BAP1: variants seen among roughly 807,000 people sequenced by gnomAD.
BAP1 encodes the protein ubiquitin carboxyl-terminal hydrolase BAP1.
A neutral mutation model predicts 77.2 loss-of-function variants in BAP1; 16 were observed. The observed-to-expected ratio is 0.21, with a 90% CI of 0.14 to 0.31. The LOEUF is 0.31. Among genes scored for constraint, BAP1 ranks in the 10% least tolerant of loss-of-function variants. The probability of loss-of-function intolerance (pLI) is 1.00; values close to 1 mark genes in which losing one functional copy is unlikely to be tolerated. For synonymous variants in BAP1, 362 were observed against 385.2 expected (o/e 0.94, Z 0.71); for missense variants, 699 against 967.3 (o/e 0.72, Z 3.68).
Position 52,403,056 on chromosome 3 carries a change from C to T in BAP1, c.1890+82G>A. ...CCAATCTTCACACCAAAGTTCCAAT[C>T]AAGAACTTGGCACCTGGGCAGGAGG... is the stretch of plus-strand genomic sequence containing the variant. On this transcript the variant is annotated intron_variant, in intron 14 of 16. Coordinates refer to ENST00000460680, the MANE Select transcript of BAP1 (RefSeq NM_004656.4). The surrounding 1 kb of genome is among the most constrained non-coding windows in gnomAD (Gnocchi z 4.0). 6.2e-7 allele frequency: 1 copy of T among 1,601,092 alleles called. No homozygotes were observed. The highest frequency in any genetic ancestry group is 2.2e-5 in the East Asian group (1 of 44,858).
In BAP1 at chr3:52,406,029, G is replaced by A. The variant is rs1290692312; in HGVS notation, c.784-117C>T. 7 of 1,536,276 alleles carry A rather than the reference G, an allele frequency of 4.6e-6. No homozygotes were observed. The highest frequency in any genetic ancestry group is 5.3e-6 in the Non-Finnish European group (6 of 1,130,736). Reference sequence around the variant, plus strand: ...CCTTGGCTCTACCCATTCACTCACAGGGAAATAAAACACCCAAACCCAAAC... The same window carrying A: ...CCTTGGCTCTACCCATTCACTCACAAGGAAATAAAACACCCAAACCCAAAC... On this transcript the variant is annotated intron_variant, in intron 9 of 16. Coordinates refer to ENST00000460680, the MANE Select transcript of BAP1 (RefSeq NM_004656.4). The surrounding 1 kb of genome is among the most constrained non-coding windows in gnomAD (Gnocchi z 4.6).
At chr3:52,408,733 CCCCTGGCTTCTT>C (rs1215620977) in intron 3 of BAP1, 127 bp from the exon 4 acceptor site, 7 of 1,228,612 alleles carry the variant, frequency 5.7e-6, no homozygotes, top group Non-Finnish European at 7.9e-6. Context: ...TCCCCCCTCT[CCCCTGGCTTCTT>C]CCCAACACTG....
At position 52,405,764 on chromosome 3, in the gene BAP1, C is replaced by G. The variant is rs2153227208; in HGVS notation, c.931+1G>C. On this transcript the variant is annotated splice_donor_variant, in intron 10 of 16. Transcript: ENST00000460680. LOFTEE classifies it high-confidence loss of function. ...ACAAGAGGTCCCAAACCCCCCAGTA[C>G]CTGTGTGGTTGCCCTCAGAGGCTGC... is the stretch of plus-strand genomic sequence containing the variant. 1.2e-6 allele frequency: 2 copies of G among 1,613,038 alleles called. No individual in the cohort carries two copies. The highest frequency in any genetic ancestry group is 1.7e-6 in the Non-Finnish European group (2 of 1,180,018).
Position 52,406,601 on chromosome 3 carries a change from C to T in BAP1, c.660-225G>A. ...CTGGAAGTGAACCAGCAGACCTGGG[C>T]TGCCTAAGGCTCCACTGAGGCCTGC... On this transcript the variant is annotated intron_variant, in intron 8 of 16. Transcript: ENST00000460680. This position sits in a 1 kb window ranked among gnomAD's most constrained non-coding sequence, Gnocchi z 4.6. 1.1e-6 allele frequency: 1 copy of T among 872,030 alleles called. No homozygotes were observed. The highest frequency in any genetic ancestry group is 1.8e-6 in the Non-Finnish European group (1 of 562,398). The allele number at this position is 872,030 out of a possible 1,614,324, so 54.0% of individuals were successfully genotyped here. A position where few individuals can be genotyped will look rare whatever the true frequency, so the allele number is the denominator to read the frequency against.
chr3:52,404,322 C>T, intron 12 of BAP1, 131 bp downstream of exon 12: 1 of 1,497,402 alleles, frequency 6.7e-7, no homozygotes. Context: ...TCATGCCAGC[C>T]TCCCCCAGGG....
chr3:52,408,173 A>G (rs1705226310), intron 4 of BAP1, 96 bp from the exon 5 acceptor site: 36 of 1,532,928 alleles, frequency 2.3e-5, no homozygotes, highest in Non-Finnish European at 3.2e-5. Context: ...CAGGTCAGTC[A>G]TATCTGGACA....
chr3:52,405,538 CAA>C, intron 10 of BAP1: 1 of 328,726 alleles, frequency 3.0e-6, no homozygotes, highest in Middle Eastern at 9.5e-4. Flanking sequence ...CTAGAGAAAA[CAA>C]GAAAGGGAGT....
rs2153227624 is a variant in BAP1 at position 52,406,831 on chromosome 3, T to C, written c.657A>G (p.Ala219=). 1 of 1,556,160 alleles carries C rather than the reference T, an allele frequency of 6.4e-7. No homozygotes were observed. The highest frequency in any genetic ancestry group is 1.2e-5 in the South Asian group (1 of 84,398). ...CAGGGCAGGCACAGGGCCCTTACCC[T>C]GCAGTGGCGAGGCCGATACGCTCCA... ...VIMERIGLAT[A]GEPYHDIRFN... The change falls in exon 8 of 17, where the codon GCA becomes GCG. Residue 219 remains alanine (A), a splice_region_variant and synonymous_variant. Coordinates refer to ENST00000460680, the MANE Select transcript of BAP1 (RefSeq NM_004656.4). This position sits in a 1 kb window ranked among gnomAD's most constrained non-coding sequence, Gnocchi z 4.6.
rs926178223 is a variant in BAP1, at chr3:52,402,231, G to A, written c.*57C>T. ...GGAAAAGGGGAAGTGGGGCAGGGAAGGACCCTGGTGAGGGCCACACGGCAA... is the reference window on the plus strand; with the variant it reads ...GGAAAAGGGGAAGTGGGGCAGGGAAAGACCCTGGTGAGGGCCACACGGCAA... On this transcript the variant is annotated 3_prime_UTR_variant, in exon 17 of 17. Coordinates refer to ENST00000460680, the MANE Select transcript of BAP1 (RefSeq NM_004656.4). This position sits in a 1 kb window ranked among gnomAD's most constrained non-coding sequence, Gnocchi z 5.3. 29 of 1,579,372 alleles carry A rather than the reference G, an allele frequency of 1.8e-5. No individual in the cohort carries two copies. The highest frequency in any genetic ancestry group is 2.2e-5 in the Non-Finnish European group (26 of 1,165,292).
At chr3:52,404,018 C>A in intron 12 of BAP1, 124 bp from the exon 13 acceptor site, 1 of 1,002,764 alleles carries the variant, frequency 1.0e-6, no homozygotes, top group South Asian at 1.4e-5. Context: ...TATACTTGGT[C>A]CAAGCAACTT....
Position 52,402,101 on chromosome 3 carries a change from G to T in BAP1, c.*187C>A. 1 of 1,019,440 alleles carries T rather than the reference G, an allele frequency of 9.8e-7. No individual in the cohort carries two copies. The highest frequency in any genetic ancestry group is 1.4e-6 in the Non-Finnish European group (1 of 706,396). 63.1% of individuals were successfully genotyped at this position (1,019,440 alleles called of 1,614,324 possible). On this transcript the variant is annotated 3_prime_UTR_variant, in exon 17 of 17. Transcript: ENST00000460680. This position sits in a 1 kb window ranked among gnomAD's most constrained non-coding sequence, Gnocchi z 5.3. ...GATGCTGCCTCCTGAGCACTATGGG[G>T]CTGATCTGCCGTGTCAGGCCTCAGG...
At chr3:52,405,417 G>T in intron 10 of BAP1, 123 bp from the exon 11 acceptor site, 2 of 1,020,238 alleles carry the variant, frequency 2.0e-6, no homozygotes, top group Non-Finnish European at 1.4e-6. Flanking sequence ...TGGTGCAATG[G>T]GAGTCAGCAA....
chr3:52,403,025 C>T lies in BAP1; in HGVS notation c.1890+113G>A. On this transcript the variant is annotated intron_variant, in intron 14 of 16. Transcript: ENST00000460680. The surrounding 1 kb of genome is among the most constrained non-coding windows in gnomAD (Gnocchi z 4.0). Reference sequence around the variant, plus strand: ...CAGAAAGTCTTCTGGCACATGGCTCCAGCCACCAATCTTCACACCAAAGTT... The same window carrying T: ...CAGAAAGTCTTCTGGCACATGGCTCTAGCCACCAATCTTCACACCAAAGTT... 6.3e-7 allele frequency: 1 copy of T among 1,597,260 alleles called. No homozygotes were observed. Among genetic ancestry groups the T allele is most frequent in the Non-Finnish European group, 8.5e-7 (1 of 1,176,492 alleles).
In BAP1 at chr3:52,403,482, G is replaced by T. The variant is rs753264498; in HGVS notation, c.1663C>A (p.Pro555Thr). ...RYNRAVRDLG[P>T]VISTGLLHLA... is the part of the protein sequence containing the mutation. ...TGCAGCAGGCCTGTGCTGATGACAGGACCCAGATCACGGACAGCACGGTTG... is the reference window on the plus strand; with the variant it reads ...TGCAGCAGGCCTGTGCTGATGACAGTACCCAGATCACGGACAGCACGGTTG... The change falls in exon 13 of 17, where the codon CCT (proline) becomes ACT (threonine). Residue 555 changes from proline to threonine, a missense_variant. This residue lies in a region of BAP1 where 475 missense variants were observed against 532.4 expected (regional missense o/e 0.89). Coordinates refer to ENST00000460680, the MANE Select transcript of BAP1 (RefSeq NM_004656.4). The surrounding 1 kb of genome is among the most constrained non-coding windows in gnomAD (Gnocchi z 4.0). 1.4e-5 allele frequency: 23 copies of T among 1,614,002 alleles called. No homozygotes were observed. Among genetic ancestry groups the T allele is most frequent in the Non-Finnish European group, 1.9e-5 (23 of 1,179,990 alleles).
Position 52,402,887 on chromosome 3 carries a change from A to G in BAP1, c.1891-16T>C, listed in dbSNP as rs201537464. 1.2e-6 allele frequency: 2 copies of G among 1,614,114 alleles called. No homozygotes were observed. Among genetic ancestry groups the G allele is most frequent in the African/African-American group, 1.3e-5 (1 of 75,040 alleles). On this transcript the variant is annotated splice_polypyrimidine_tract_variant and intron_variant, in intron 14 of 16. Transcript: ENST00000460680. This position sits in a 1 kb window ranked among gnomAD's most constrained non-coding sequence, Gnocchi z 5.3. Reference sequence around the variant, plus strand: ...CCAGCAGCTCCTGCCAAAACCCAGCATTGCACCTCTGATCGGGGCGGGCCA... The same window carrying G: ...CCAGCAGCTCCTGCCAAAACCCAGCGTTGCACCTCTGATCGGGGCGGGCCA...
chr3:52,404,039 T>A (rs1705066972), intron 12 of BAP1, 145 bp from the exon 13 acceptor site: 2 of 810,378 alleles, frequency 2.5e-6, no homozygotes, highest in Non-Finnish European at 3.9e-6. Context: ...GAACTAGCCA[T>A]GCTAAGCCTG....
Position 52,406,816 on chromosome 3 carries a change from A to C in BAP1, c.659+13T>G, listed in dbSNP as rs2153227615. On this transcript the variant is annotated intron_variant, in intron 8 of 16. Transcript: ENST00000460680. The surrounding 1 kb of genome is among the most constrained non-coding windows in gnomAD (Gnocchi z 4.6). The stretch of plus-strand genomic sequence containing the variant: ...CTCCAGAGAGTAGAACAGGGCAGGC[A>C]CAGGGCCCTTACCCTGCAGTGGCGA... 6.4e-7 allele frequency: 1 copy of C among 1,553,728 alleles called. No homozygotes were observed. The highest frequency in any genetic ancestry group is 8.7e-7 in the Non-Finnish European group (1 of 1,147,882).
In BAP1 at chr3:52,404,359, T is replaced by C; in HGVS notation, c.1250+94A>G. The C allele has an allele frequency of 1.9e-6, 3 of 1,600,082 alleles. No individual in the cohort carries two copies. In the Middle Eastern group the frequency reaches 5.0e-4, roughly 265 times the overall value. On this transcript the variant is annotated intron_variant, in intron 12 of 16. Transcript: ENST00000460680. The stretch of plus-strand genomic sequence containing the variant: ...CCCAAACTCCGCAGGTGCTCAACAT[T>C]ATCTGCTGCAGGGCATTCTCAGACA...
chr3:52,402,740 C>T lies in BAP1; in HGVS notation c.1983+39G>A, dbSNP rs768732582. The T allele has an allele frequency of 8.1e-6, 13 of 1,614,132 alleles. No homozygotes were observed. Among genetic ancestry groups the T allele is most frequent in the Middle Eastern group, 1.6e-4 (1 of 6,062 alleles). On this transcript the variant is annotated intron_variant, in intron 15 of 16. Transcript: ENST00000460680. This position sits in a 1 kb window ranked among gnomAD's most constrained non-coding sequence, Gnocchi z 5.3. ...TGCCAGAGCAGCCACCAGTGGACCT[C>T]GGGAGAGGCCAGATCAGGCAACTGG...
Sources: gnomAD v4.1 joint callset for allele counts on GRCh38, gnomAD v4.1.1 for gene constraint, gnomAD v4.1.1 regional missense constraint, Gnocchi (gnomAD v3.1) non-coding constraint, MANE v1.5 for transcripts, NCBI Gene and HGNC (gene_info 2026-07-23, HGNC 2026-07-21) for gene names.